Variants in WDFY2 observed in about 807,000 individuals in gnomAD.
WDFY2 encodes the protein WD repeat and FYVE domain containing 2, also known as WD repeat and FYVE domain-containing protein 2.
In WDFY2, 36 loss-of-function variants were observed where a neutral mutation model predicts 56.4. The ratio of observed to expected loss-of-function variants is 0.64; its 90% CI spans 0.49 to 0.84. WDFY2 has a LOEUF of 0.84. Among genes scored for constraint, WDFY2 ranks in the 40% least tolerant of loss-of-function variants. The probability of loss-of-function intolerance (pLI) is 0.00; values close to 1 mark genes in which losing one functional copy is unlikely to be tolerated. For missense variants in WDFY2, 444 were observed against 512.2 expected (o/e 0.87, Z 1.29); for synonymous variants, 176 against 183.7 (o/e 0.96, Z 0.34).
intron 1 of WDFY2, among the ~76,000 whole-genome samples, chr13:51,649,022 G>C (rs538614666): frequency 6.6e-6 from 1 of 152,142 alleles, no homozygotes; most frequent in South Asian, 2.1e-4. Flanking sequence ...TGGCATGCAC[G>C]TGTAATCCCA....
At chr13:51,713,451 A>G (rs907748290) in intron 4 of WDFY2, among the ~76,000 whole-genome samples, 3 of 152,236 alleles carry the variant, frequency 2.0e-5, no homozygotes, top group Admixed American at 1.3e-4. Flanking sequence ...ATGCCCATCA[A>G]CACATGAATG....
intron 3 of WDFY2, among the ~76,000 whole-genome samples, chr13:51,695,920 T>C (rs1000507271): frequency 2.0e-5 from 3 of 152,196 alleles, no homozygotes; most frequent in African/African-American, 7.2e-5. Context: ...CGCCTTGCAG[T>C]TTGATCTCAG....
intron 2 of WDFY2, among the ~76,000 whole-genome samples, chr13:51,667,865 T>C (rs2138479530): frequency 6.8e-6 from 1 of 145,986 alleles, no homozygotes; most frequent in South Asian, 2.2e-4. Flanking sequence ...AAGAAAAAGG[T>C]ACCTGAGGAA....
At chr13:51,748,189 C>A (rs1216144483) in intron 7 of WDFY2, among the ~76,000 whole-genome samples, 2 of 152,194 alleles carry the variant, frequency 1.3e-5, no homozygotes, top group Non-Finnish European at 2.9e-5. Flanking sequence ...TGTTTTTCCA[C>A]CGGTGTAACC....
chr13:51,617,452 TTTC>T (rs1480717332), intron 1 of WDFY2, among the ~76,000 whole-genome samples: 1 of 152,100 alleles, frequency 6.6e-6, no homozygotes, highest in East Asian at 1.9e-4. Context: ...CGAGAATTCT[TTTC>T]TTATTATGAT....
At chr13:51,665,636 CAG>C (rs1307196313) in intron 2 of WDFY2, among the ~76,000 whole-genome samples, 1 of 152,178 alleles carries the variant, frequency 6.6e-6, no homozygotes, top group Admixed American at 6.5e-5. Context: ...CTTACTCTAT[CAG>C]AGGATTGGAT....
intron 1 of WDFY2, among the ~76,000 whole-genome samples, chr13:51,631,586 A>C (rs1954953730): frequency 6.6e-6 from 1 of 152,060 alleles, no homozygotes; most frequent in South Asian, 2.1e-4. Context: ...TTACCGTCTA[A>C]ATTTTGTTGA....
chr13:51,727,998 C>T (rs1470075755), intron 6 of WDFY2, among the ~76,000 whole-genome samples: 1 of 152,094 alleles, frequency 6.6e-6, no homozygotes, highest in African/African-American at 2.4e-5. Context: ...AAAGAGAAAC[C>T]AATCTATTTT....
At chr13:51,725,701 T>TA (rs1487893370) in intron 5 of WDFY2, among the ~76,000 whole-genome samples, 1 of 151,886 alleles carries the variant, frequency 6.6e-6, no homozygotes, top group Admixed American at 6.6e-5. Context: ...CACAATTTTT[T>TA]TTTTTTTTTT....
At chr13:51,709,207 A>C (rs188707470) in intron 4 of WDFY2, among the ~76,000 whole-genome samples, 2 of 152,208 alleles carry the variant, frequency 1.3e-5, no homozygotes, top group African/African-American at 4.8e-5. Flanking sequence ...AGTTTGTTTT[A>C]TTTATACATT....
In WDFY2 at chr13:51,726,641, C is replaced by T. The variant is rs570862323; in HGVS notation, c.486-1037C>T. ...TGAACAGTTAAGGCACAGTGAGCCA[C>T]TCTTATCAGTTAATGGTGGGAACCT... On this transcript the variant is annotated intron_variant, in intron 5 of 11. Coordinates refer to ENST00000298125, the MANE Select transcript of WDFY2 (RefSeq NM_052950.4). Among the ~76,000 whole-genome samples, 9 of 152,356 alleles carry T rather than the reference C, an allele frequency of 5.9e-5. No individual in the cohort carries two copies. The South Asian group carries it at 1.9e-3, about 32-fold the overall frequency.
chr13:51,668,705 G>C (rs1955756482), intron 2 of WDFY2, among the ~76,000 whole-genome samples: 1 of 152,176 alleles, frequency 6.6e-6, no homozygotes, highest in South Asian at 2.1e-4. Flanking sequence ...GTTAGCACCT[G>C]AAGTTTTTAT....
In WDFY2 at chr13:51,727,675, C is replaced by T. The variant is rs76236098; in HGVS notation, c.486-3C>T. 1.8e-3 allele frequency: 2,980 copies of T among 1,612,264 alleles called. 25 individuals are homozygous for T. The African/African-American group carries it at 0.019, about 10-fold the overall frequency. On this transcript the variant is annotated splice_polypyrimidine_tract_variant and splice_region_variant and intron_variant, in intron 5 of 11. Transcript: ENST00000298125. ...GAAACAATCCTTAATGCTTTCATGACAGATTTGATGTTGAAACCCGGCATG... is the reference window on the plus strand; with the variant it reads ...GAAACAATCCTTAATGCTTTCATGATAGATTTGATGTTGAAACCCGGCATG...
chr13:51,602,807 G>A (rs1356624313), intron 1 of WDFY2, among the ~76,000 whole-genome samples: 1 of 152,170 alleles, frequency 6.6e-6, no homozygotes, highest in Non-Finnish European at 1.5e-5. Flanking sequence ...TTTGGTTAGG[G>A]GAAATCCTTT....
chr13:51,623,170 T>G (rs1400722268), intron 1 of WDFY2, among the ~76,000 whole-genome samples: 1 of 152,042 alleles, frequency 6.6e-6, no homozygotes, highest in East Asian at 1.9e-4. Flanking sequence ...AACTGTACAC[T>G]TTTAAAATGA....
intron 4 of WDFY2, among the ~76,000 whole-genome samples, chr13:51,705,989 A>C (rs1004369568): frequency 6.6e-6 from 1 of 152,176 alleles, no homozygotes; most frequent in Non-Finnish European, 1.5e-5. Flanking sequence ...ATAACATGCC[A>C]TTTCCTATGT....
At chr13:51,707,939 C>CTTTTTTTTTTTTTTTTTTT (rs56054205) in intron 4 of WDFY2, among the ~76,000 whole-genome samples, 6 of 57,570 alleles carry the variant, frequency 1.0e-4, no homozygotes, top group Non-Finnish European at 1.5e-4. Flanking sequence ...CCTAAAACAA[C>CTTTTTTTTTTTTTTTTTTT]TTTTTTTTTT....
chr13:51,610,254 TGG>T (rs760271321), intron 1 of WDFY2, among the ~76,000 whole-genome samples: 13,417 of 139,788 alleles, frequency 0.096, 866 homozygotes, highest in African/African-American at 0.2. Flanking sequence ...TTTTTTTTTT[TGG>T]GGGGCTAAAA....
chr13:51,591,407 A>G (rs1057342284), intron 1 of WDFY2: 3 of 152,204 alleles, frequency 2.0e-5, no homozygotes, highest in South Asian at 2.1e-4. Context: ...TCCTACTTCT[A>G]GATGAGTCCT....
Sources: gnomAD v4.1 joint callset for allele counts (sites outside exome capture counted in the v4.1 genomes callset) on GRCh38, gnomAD v4.1.1 for gene constraint, MANE v1.5 for transcripts, NCBI Gene and HGNC (gene_info 2026-07-23, HGNC 2026-07-21) for gene names.